Variants in SLC39A11 observed in about 807,000 individuals in gnomAD.
SLC39A11 encodes solute carrier family 39 member 11, also known as zinc transporter ZIP11.
In SLC39A11, 33 loss-of-function variants were observed where a neutral mutation model predicts 36.1. That is an observed-to-expected ratio of 0.91 (90% CI 0.69 to 1.22). SLC39A11 has a LOEUF of 1.22. Among genes scored for constraint, SLC39A11 ranks in the 50% most tolerant of loss-of-function variants. SLC39A11 has a pLI of 0.00. For missense variants in SLC39A11, 432 were observed against 430.3 expected (o/e 1.00, Z -0.03); for synonymous variants, 166 against 170.3 (o/e 0.97, Z 0.20).
intron 7 of SLC39A11, among the ~76,000 whole-genome samples, chr17:72,694,560 T>G (rs2072197570): frequency 6.6e-6 from 1 of 152,234 alleles, no homozygotes; most frequent in Non-Finnish European, 1.5e-5. Context: ...GGGACTTGTT[T>G]TGTAGCAGGG....
chr17:72,803,157 C>T (rs992270421), intron 6 of SLC39A11, among the ~76,000 whole-genome samples: 1 of 152,264 alleles, frequency 6.6e-6, no homozygotes, highest in African/African-American at 2.4e-5. Flanking sequence ...CATGGATGCG[C>T]GCCTCTGAGG....
intron 4 of SLC39A11, among the ~76,000 whole-genome samples, chr17:72,977,282 G>A (rs892911218): frequency 1.3e-5 from 2 of 152,188 alleles, no homozygotes; most frequent in East Asian, 1.9e-4. Context: ...CCTCACTCCC[G>A]CAGCCCTGCT....
chr17:72,894,939 A>C (rs1323732455), intron 5 of SLC39A11, among the ~76,000 whole-genome samples: 2 of 152,158 alleles, frequency 1.3e-5, no homozygotes, highest in African/African-American at 2.4e-5. Context: ...AAGCAGCAGG[A>C]ACTGACCAGG....
At chr17:72,854,940 T>C (rs926612155) in intron 5 of SLC39A11, among the ~76,000 whole-genome samples, 2 of 152,058 alleles carry the variant, frequency 1.3e-5, no homozygotes, top group African/African-American at 2.4e-5. Context: ...CAAAACATCA[T>C]AGGATGGAGA....
At chr17:72,905,839 C>T (rs368077243) in intron 5 of SLC39A11, among the ~76,000 whole-genome samples, 27 of 152,162 alleles carry the variant, frequency 1.8e-4, no homozygotes, top group Middle Eastern at 3.4e-3. Context: ...CTGCAAGCTC[C>T]GCCTCCCGGG....
intron 4 of SLC39A11, among the ~76,000 whole-genome samples, chr17:72,976,837 A>C (rs1165537263): frequency 1.3e-5 from 2 of 152,050 alleles, no homozygotes; most frequent in Non-Finnish European, 2.9e-5. Context: ...CAACAGAGCA[A>C]GACTCCGTCT....
intron 7 of SLC39A11, among the ~76,000 whole-genome samples, chr17:72,692,227 G>A (rs1203850726): frequency 7.0e-6 from 1 of 141,998 alleles, no homozygotes; most frequent in African/African-American, 3.1e-5. Context: ...TAGCCAGGAT[G>A]GTCTCGATCT....
chr17:72,786,668 T>C (rs2076526720), intron 6 of SLC39A11, among the ~76,000 whole-genome samples: 1 of 152,136 alleles, frequency 6.6e-6, no homozygotes, highest in Admixed American at 6.5e-5. Context: ...CTTAGACTTC[T>C]TGCTTCTGTA....
chr17:72,672,175 C>T lies in SLC39A11; in HGVS notation c.672-22907G>A, dbSNP rs569993174. On this transcript the variant is annotated intron_variant, in intron 7 of 9. Coordinates refer to ENST00000255559, the MANE Select transcript of SLC39A11 (RefSeq NM_139177.4). ...AACAAAATCATGTTTTCAGGCTGGG[C>T]GCATGGCTCATGCCTATAATCTCAG... is the stretch of plus-strand genomic sequence containing the variant. Among the ~76,000 whole-genome samples the T allele has an allele frequency of 1.9e-3, 289 of 152,222 alleles. 3 individuals carry two copies. The highest frequency in any genetic ancestry group is 2.0e-3 in the Non-Finnish European group (133 of 68,014).
rs1567926803 is a variant in SLC39A11, at chr17:72,669,901, T to TATATATACGTATAGATGTATATACAC, written c.672-20659_672-20634dup. On this transcript the variant is annotated intron_variant, in intron 7 of 9. Transcript: ENST00000255559. The stretch of plus-strand genomic sequence containing the variant: ...ATACACGTATAGATGTATATACACA[T>TATATATACGTATAGATGTATATACAC]ATATATACGTATAGATGTATATACA... Among the ~76,000 whole-genome samples, 92 of 150,050 alleles carry TATATATACGTATAGATGTATATACAC rather than the reference T, an allele frequency of 6.1e-4. 1 individual carries two copies. The highest frequency in any genetic ancestry group is 2.1e-3 in the African/African-American group (86 of 40,068).
At chr17:72,877,809 TTTTA>T (rs1454719967) in intron 5 of SLC39A11, among the ~76,000 whole-genome samples, 3 of 151,550 alleles carry the variant, frequency 2.0e-5, no homozygotes, top group African/African-American at 7.3e-5. Context: ...ATTTTTTTAT[TTTTA>T]TTTATTATTA....
intron 4 of SLC39A11, among the ~76,000 whole-genome samples, chr17:72,957,399 G>A (rs1051983592): frequency 6.6e-6 from 1 of 152,192 alleles, no homozygotes; most frequent in African/African-American, 2.4e-5. Context: ...AGCTCTCCAT[G>A]GATCCAGACT....
At chr17:72,651,960 A>AGAGG (rs534416541) in intron 7 of SLC39A11, among the ~76,000 whole-genome samples, 71 of 152,274 alleles carry the variant, frequency 4.7e-4, no homozygotes, top group Non-Finnish European at 8.4e-4. Flanking sequence ...GACTCCTTAG[A>AGAGG]GAGGGGCTCA....
At chr17:73,081,317 A>G (rs1261371795) in intron 3 of SLC39A11, among the ~76,000 whole-genome samples, 2 of 152,154 alleles carry the variant, frequency 1.3e-5, no homozygotes, top group Non-Finnish European at 2.9e-5. Context: ...AAATCAGAAT[A>G]TAATAGCTGT....
chr17:72,853,619 A>T (rs1228613032), intron 5 of SLC39A11, among the ~76,000 whole-genome samples: 1 of 152,078 alleles, frequency 6.6e-6, no homozygotes, highest in African/African-American at 2.4e-5. Flanking sequence ...CAGGCTTCCA[A>T]TGTGTGAAAA....
intron 3 of SLC39A11, among the ~76,000 whole-genome samples, chr17:73,042,328 TAC>T (rs2059136135): frequency 6.6e-6 from 1 of 152,146 alleles, no homozygotes; most frequent in African/African-American, 2.4e-5. Context: ...TCTAAAAAGG[TAC>T]ACAGAGGTAG....
intron 7 of SLC39A11, among the ~76,000 whole-genome samples, chr17:72,679,373 A>G (rs933449682): frequency 2.0e-5 from 3 of 152,200 alleles, no homozygotes; most frequent in African/African-American, 4.8e-5. Context: ...GGTATGCTAA[A>G]AATATAGACA....
intron 3 of SLC39A11, among the ~76,000 whole-genome samples, chr17:73,063,085 T>C (rs1275758219): frequency 6.6e-6 from 1 of 152,162 alleles, no homozygotes; most frequent in African/African-American, 2.4e-5. Flanking sequence ...TCAAAATCTC[T>C]AGTGACACAG....
intron 6 of SLC39A11, among the ~76,000 whole-genome samples, chr17:72,780,230 T>G (rs1001118563): frequency 9.8e-5 from 15 of 152,300 alleles, no homozygotes; most frequent in African/African-American, 3.6e-4. Flanking sequence ...CTGAGCTAGC[T>G]GAAGGGCAAG....
Sources: allele counts gnomAD v4.1 joint callset (sites outside exome capture counted in the v4.1 genomes callset), GRCh38; gene constraint gnomAD v4.1.1; transcripts MANE v1.5; gene names NCBI Gene and HGNC (gene_info 2026-07-23, HGNC 2026-07-21).